The following ZNF484 variants were observed in gnomAD, a reference collection of about 807,000 sequenced individuals.
ZNF484 encodes zinc finger protein 484.
In ZNF484, 11 loss-of-function variants were observed where a neutral mutation model predicts 12.9. That is an observed-to-expected ratio of 0.85 (90% CI 0.54 to 1.41). The LOEUF (loss-of-function observed/expected upper bound fraction) is 1.41. Among genes scored for constraint, ZNF484 ranks in the 40% most tolerant of loss-of-function variants. The pLI is 0.00. For missense variants in ZNF484, 807 were observed against 1,007.7 expected, an observed-to-expected ratio of 0.80 and a Z score of 2.70; for synonymous variants, 289 against 334.1, an observed-to-expected ratio of 0.86 and a Z score of 1.47.
In ZNF484 at chr9:92,856,206, T is replaced by A; in HGVS notation, c.128A>T (p.Asn43Ile). ...GCCGTGCTTACCCACTGAGATCAAG[T>A]TGAAATAGTTTTCCAGCATCACTTC... ...YREVMLENYF[N>I]LISVGCQVPK... Residue 43 changes from asparagine to isoleucine, a missense_variant, in exon 3 of 5, where the codon AAC (asparagine) becomes ATC (isoleucine). By Grantham distance (149) the Asn-to-Ile change is moderately radical (BLOSUM62 -3). Coordinates refer to ENST00000375495, the MANE Select transcript of ZNF484 (RefSeq NM_031486.4). The A allele has an allele frequency of 6.2e-7, 1 of 1,613,892 alleles. No individual in the cohort carries two copies. Among genetic ancestry groups the A allele is most frequent in the Non-Finnish European group, 8.5e-7 (1 of 1,179,954 alleles).
chr9:92,855,993 AGG>A, intron 3 of ZNF484, 90 bp from the exon 4 acceptor site: 1 of 1,463,150 alleles, frequency 6.8e-7, no homozygotes. Context: ...CTGGGAACAG[AGG>A]AATATTCACA....
chr9:92,844,717 G>A lies in ZNF484; in HGVS notation c.*1511C>T, dbSNP rs1169173119. Among the ~76,000 whole-genome samples, 1 of 152,142 alleles carries A rather than the reference G, an allele frequency of 6.6e-6. No homozygotes were observed. Among genetic ancestry groups the A allele is most frequent in the Admixed American group, 6.5e-5 (1 of 15,276 alleles). On this transcript the variant is annotated 3_prime_UTR_variant, in exon 5 of 5. Transcript: ENST00000375495. ...TTCAGTAAAAGTATCCTTCAAAAAT[G>A]AAGGCAAAATAAAACACTGCCAACA...
chr9:92,856,941 G>C (rs968974530), intron 2 of ZNF484, among the ~76,000 whole-genome samples: 2 of 152,140 alleles, frequency 1.3e-5, no homozygotes, highest in Non-Finnish European at 2.9e-5. Flanking sequence ...AGCCAGGATG[G>C]TCTCGATCTC....
At position 92,852,725 on chromosome 9, in the gene ZNF484, T is replaced by C. The variant is rs536252695; in HGVS notation, c.235+3086A>G. The stretch of plus-strand genomic sequence containing the variant: ...CTAATTTTCATACTTTTAGTAGAGA[T>C]GGGGTTTCGCCATGTTGGCCAGGCT... On this transcript the variant is annotated intron_variant, in intron 4 of 4. Transcript: ENST00000375495. Among the ~76,000 whole-genome samples, 867 of 151,652 alleles carry C rather than the reference T, an allele frequency of 5.7e-3. 4 individuals are homozygous for C. Among genetic ancestry groups the C allele is most frequent in the Non-Finnish European group, 0.01 (696 of 67,896 alleles).
At chr9:92,854,543 C>G (rs915031112) in intron 4 of ZNF484, among the ~76,000 whole-genome samples, 3 of 152,050 alleles carry the variant, frequency 2.0e-5, no homozygotes, top group African/African-American at 7.2e-5. Context: ...TGGTGAAACC[C>G]CGTCTCTACT....
At chr9:92,863,462 A>G (rs771816409) in intron 2 of ZNF484, among the ~76,000 whole-genome samples, 2 of 152,176 alleles carry the variant, frequency 1.3e-5, no homozygotes, top group African/African-American at 2.4e-5. Context: ...CAGCAGGGAG[A>G]ATACATTTGA....
chr9:92,849,391 G>T (rs886845767), intron 4 of ZNF484, among the ~76,000 whole-genome samples: 3 of 151,924 alleles, frequency 2.0e-5, no homozygotes, highest in African/African-American at 7.3e-5. Context: ...TATATAATAT[G>T]TAATACAATG....
intron 4 of ZNF484, among the ~76,000 whole-genome samples, chr9:92,854,456 G>A (rs982375262): frequency 1.3e-5 from 2 of 152,260 alleles, no homozygotes; most frequent in East Asian, 1.9e-4. Flanking sequence ...GGTGGCTCCC[G>A]CCTATAATCT....
At chr9:92,856,343 T>A in intron 2 of ZNF484, 25 bp from the exon 3 acceptor site, 5 of 1,499,284 alleles carry the variant, frequency 3.3e-6, no homozygotes, top group Non-Finnish European at 4.5e-6. Context: ...AAACAAACTT[T>A]AAAATAATTT....
rs1034720549 is a variant in ZNF484 at position 92,848,005 on chromosome 9, G to A, written c.782C>T (p.Ser261Phe). Reference sequence around the variant, plus strand: ...ATGTGCAAAGGCATGTGACTTCGGGGAGAAAACATTTACGTAGTCAGAAAA... The same window carrying A: ...ATGTGCAAAGGCATGTGACTTCGGGAAGAAAACATTTACGTAGTCAGAAAA... ...YLFSDYVNVF[S>F]PKSHAFAHES... The change falls in exon 5 of 5, where the codon TCC becomes TTC. Residue 261 changes from serine to phenylalanine, a missense_variant. Physicochemically the swap from Ser to Phe is radical, Grantham distance 155. Coordinates refer to ENST00000375495, the MANE Select transcript of ZNF484 (RefSeq NM_031486.4). This position sits in a 1 kb window ranked among gnomAD's most constrained non-coding sequence, Gnocchi z 4.1. The A allele has an allele frequency of 3.1e-6, 5 of 1,614,038 alleles. No homozygotes were observed. In the Admixed American group the frequency reaches 8.3e-5, roughly 27 times the overall value.
At position 92,846,719 on chromosome 9, in the gene ZNF484, T is replaced by C; in HGVS notation, c.2068A>G (p.Arg690Gly). 1 of 1,614,138 alleles carries C rather than the reference T, an allele frequency of 6.2e-7. No individual in the cohort carries two copies. Among genetic ancestry groups the C allele is most frequent in the Non-Finnish European group, 8.5e-7 (1 of 1,180,008 alleles). The change falls in exon 5 of 5, where the codon AGG becomes GGG. Residue 690 changes from arginine to glycine, a missense_variant. Coordinates refer to ENST00000375495, the MANE Select transcript of ZNF484 (RefSeq NM_031486.4). ...HIHQQSHTGE[R>G]HYECSECGKA... is the part of the protein sequence containing the mutation. ...CCACATTCACTGCACTCATAATGCC[T>C]TTCTCCAGTATGGGATTGCTGATGT...
chr9:92,847,408 C>A lies in ZNF484; in HGVS notation c.1379G>T (p.Arg460Leu). Residue 460 changes from arginine (R) to leucine (L), a missense_variant, in exon 5 of 5, where the codon CGA (arginine) becomes CTA (leucine). Physicochemically the swap from Arg to Leu is moderately radical, Grantham distance 102. Transcript: ENST00000375495. ...IKKSQLHVHQ[R>L]IHTGENPFIC... Reference sequence around the variant, plus strand: ...AAAGGGATTCTCTCCTGTGTGAATTCGCTGATGCACATGGAGTTGTGATTT... The same window carrying A: ...AAAGGGATTCTCTCCTGTGTGAATTAGCTGATGCACATGGAGTTGTGATTT... 6.2e-7 allele frequency: 1 copy of A among 1,613,718 alleles called. No homozygotes were observed. Among genetic ancestry groups the A allele is most frequent in the Middle Eastern group, 1.7e-4 (1 of 6,056 alleles).
intron 2 of ZNF484, among the ~76,000 whole-genome samples, chr9:92,873,830 A>T (rs957652754): frequency 1.3e-5 from 2 of 152,196 alleles, no homozygotes; most frequent in African/African-American, 4.8e-5. Flanking sequence ...AAATAGTACC[A>T]AAAGAAAAAA....
intron 2 of ZNF484, among the ~76,000 whole-genome samples, chr9:92,861,721 C>T (rs1256581149): frequency 6.6e-6 from 1 of 152,124 alleles, no homozygotes; most frequent in Non-Finnish European, 1.5e-5. Flanking sequence ...ACAATCATTT[C>T]AGCAGTCCTA....
chr9:92,854,531 C>T (rs1196837012), intron 4 of ZNF484, among the ~76,000 whole-genome samples: 7 of 152,112 alleles, frequency 4.6e-5, no homozygotes, highest in Admixed American at 4.6e-4. Context: ...TCCTGGCTAA[C>T]ATGGTGAAAC....
At chr9:92,859,662 A>G (rs1376637706) in intron 2 of ZNF484, among the ~76,000 whole-genome samples, 1 of 152,196 alleles carries the variant, frequency 6.6e-6, no homozygotes, top group East Asian at 1.9e-4. Context: ...AAGCAGAGGG[A>G]TTTCCCAGGA....
At position 92,846,563 on chromosome 9, in the gene ZNF484, G is replaced by C; in HGVS notation, c.2224C>G (p.His742Asp). The C allele has an allele frequency of 6.2e-7, 1 of 1,614,022 alleles. No individual in the cohort carries two copies. Among genetic ancestry groups the C allele is most frequent in the Non-Finnish European group, 8.5e-7 (1 of 1,179,986 alleles). Reference sequence around the variant, plus strand: ...CATTCATAGGGTTTCTCTCCAGTATGAATTCTCCTGTGTCTATTTAAGTGT... The same window carrying C: ...CATTCATAGGGTTTCTCTCCAGTATCAATTCTCCTGTGTCTATTTAAGTGT... ...KSHLNRHRRI[H>D]TGEKPYECSD... The change falls in exon 5 of 5, where the codon CAT becomes GAT. Residue 742 changes from histidine (H) to aspartate (D), a missense_variant. Physicochemically the swap from His to Asp is moderately conservative, Grantham distance 81. Transcript: ENST00000375495.
intron 2 of ZNF484, among the ~76,000 whole-genome samples, chr9:92,867,027 C>T (rs1857123693): frequency 6.6e-6 from 1 of 152,100 alleles, no homozygotes; most frequent in African/African-American, 2.4e-5. Context: ...AGCATTAGGA[C>T]AAATAGCAAA....
intron 4 of ZNF484, among the ~76,000 whole-genome samples, chr9:92,853,215 G>A (rs566665334): frequency 6.6e-6 from 1 of 152,206 alleles, no homozygotes; most frequent in Non-Finnish European, 1.5e-5. Context: ...CACAGACATG[G>A]TTGTAGGTGA....
Sources: allele counts gnomAD v4.1 joint callset (sites outside exome capture counted in the v4.1 genomes callset), GRCh38; gene constraint gnomAD v4.1.1; non-coding constraint Gnocchi (gnomAD v3.1); transcripts MANE v1.5; gene names NCBI Gene and HGNC (gene_info 2026-07-23, HGNC 2026-07-21).